NUAK1: variants seen among roughly 807,000 people sequenced by gnomAD.
NUAK1 encodes NUAK family SNF1-like kinase 1.
A neutral mutation model predicts 56.9 loss-of-function variants in NUAK1; 26 were observed. The ratio of observed to expected loss-of-function variants is 0.46; its 90% CI spans 0.33 to 0.63. NUAK1 has a LOEUF of 0.63. NUAK1 is among the 30% of genes least tolerant of loss of function. The pLI is 0.02. For synonymous variants in NUAK1, 337 were observed against 336.0 expected (o/e 1.00, Z -0.03); for missense variants, 727 against 876.1 (o/e 0.83, Z 2.15).
intron 4 of NUAK1, among the ~76,000 whole-genome samples, 179 bp downstream of exon 4, chr12:106,083,685 C>T (rs953603167): frequency 6.6e-6 from 1 of 152,144 alleles, no homozygotes; most frequent in Non-Finnish European, 1.5e-5. Context: ...TCAATAACTG[C>T]TTGTCGCATT....
rs2032360376 is a variant in NUAK1, at chr12:106,067,783, G to A, written c.1005C>T (p.His335=). 2 of 1,614,220 alleles carry A rather than the reference G, an allele frequency of 1.2e-6. No homozygotes were observed. The highest frequency in any genetic ancestry group is 1.7e-6 in the Non-Finnish European group (2 of 1,180,044). ...SPLLARIIDW[H]HRSTGLQADT... is the part of the protein sequence containing the mutation. ...CAGCCTGCAGCCCTGTGGAACGGTGGTGCCAGTCAATGATCCGAGCCAGGA... is the reference window on the plus strand; with the variant it reads ...CAGCCTGCAGCCCTGTGGAACGGTGATGCCAGTCAATGATCCGAGCCAGGA... Residue 335 remains histidine (H), a synonymous_variant, in exon 7 of 7, where the codon CAC becomes CAT. Coordinates refer to ENST00000261402, the MANE Select transcript of NUAK1 (RefSeq NM_014840.3). The surrounding 1 kb of genome is among the most constrained non-coding windows in gnomAD (Gnocchi z 6.0).
chr12:106,101,041 C>T (rs1347034771), intron 2 of NUAK1, among the ~76,000 whole-genome samples: 1 of 152,242 alleles, frequency 6.6e-6, no homozygotes, highest in Admixed American at 6.5e-5. Context: ...GACCAACCGG[C>T]TTCCAGAGAG....
Position 106,138,534 on chromosome 12 carries a change from G to C in NUAK1, c.120C>G (p.His40Gln). ...ATAALEPRKP[H>Q]GVKRHHHKHN... is the part of the protein sequence containing the mutation. ...GCTTGTGGTGATGCCGCTTCACCCC[G>C]TGCGGCTTCCTGGGCTCCAGGGCTG... Residue 40 changes from histidine to glutamine, a missense_variant, in exon 1 of 7, where the codon CAC becomes CAG. Coordinates refer to ENST00000261402, the MANE Select transcript of NUAK1 (RefSeq NM_014840.3). This position sits in a 1 kb window ranked among gnomAD's most constrained non-coding sequence, Gnocchi z 5.0. 2 of 1,612,448 alleles carry C rather than the reference G, an allele frequency of 1.2e-6. No homozygotes were observed.
At chr12:106,133,242 T>TCCTCTGAAAC (rs932250163) in intron 1 of NUAK1, among the ~76,000 whole-genome samples, 1 of 151,924 alleles carries the variant, frequency 6.6e-6, no homozygotes, top group African/African-American at 2.4e-5. Flanking sequence ...TGCCCCACAT[T>TCCTCTGAAAC]CCAATCCTCT....
intron 1 of NUAK1, among the ~76,000 whole-genome samples, chr12:106,119,480 C>G (rs2032952881): frequency 6.6e-6 from 1 of 151,872 alleles, no homozygotes; most frequent in African/African-American, 2.4e-5. Flanking sequence ...GGCGCCCCTG[C>G]AGATCGTCAC....
At chr12:106,116,582 TGCCCTAAG>T (rs2032918860) in intron 1 of NUAK1, among the ~76,000 whole-genome samples, 1 of 152,244 alleles carries the variant, frequency 6.6e-6, no homozygotes, top group Non-Finnish European at 1.5e-5. Flanking sequence ...TTAAGTAACG[TGCCCTAAG>T]GCACATAAAT....
chr12:106,066,520 C>T lies in NUAK1; in HGVS notation c.*282G>A, dbSNP rs976543776. 4.6e-5 allele frequency: 21 copies of T among 452,730 alleles called. No homozygotes were observed. The highest frequency in any genetic ancestry group is 4.4e-4 in the South Asian group (14 of 31,634). The allele number at this position is 452,730 out of a possible 1,614,324, so 28.0% of individuals were successfully genotyped here. On this transcript the variant is annotated 3_prime_UTR_variant, in exon 7 of 7. Coordinates refer to ENST00000261402, the MANE Select transcript of NUAK1 (RefSeq NM_014840.3). ...TGCTTCCTCTCCACCCACTGAGTGC[C>T]GGTCAATACCACCTCCCCTGGACAG...
At chr12:106,069,608 A>T (rs535252982) in intron 6 of NUAK1, among the ~76,000 whole-genome samples, 10 of 152,346 alleles carry the variant, frequency 6.6e-5, no homozygotes, top group Admixed American at 2.0e-4. Flanking sequence ...AGAGACACAC[A>T]TAAAACAAGG....
intron 6 of NUAK1, 80 bp from the exon 7 acceptor site, chr12:106,068,035 C>T (rs527294978): frequency 1.9e-4 from 262 of 1,354,106 alleles, no homozygotes; most frequent in African/African-American, 4.8e-4. Context: ...CCAGGAGTGA[C>T]GAAAGACACA....
intron 2 of NUAK1, among the ~76,000 whole-genome samples, chr12:106,102,991 G>A (rs1159231514): frequency 6.6e-6 from 1 of 152,194 alleles, no homozygotes; most frequent in Non-Finnish European, 1.5e-5. Flanking sequence ...TCTTTAAAGT[G>A]ACAAGCAAGA....
intron 2 of NUAK1, among the ~76,000 whole-genome samples, chr12:106,098,912 T>G (rs1384924314): frequency 1.3e-5 from 2 of 152,034 alleles, no homozygotes; most frequent in Non-Finnish European, 2.9e-5. Flanking sequence ...GGCACTTCCT[T>G]TTCAGCTTTT....
At chr12:106,102,743 T>A (rs1430652056) in intron 2 of NUAK1, among the ~76,000 whole-genome samples, 4 of 152,218 alleles carry the variant, frequency 2.6e-5, no homozygotes, top group Admixed American at 2.0e-4. Flanking sequence ...ATCCCCATTT[T>A]ACAGATGTGA....
At chr12:106,112,512 C>T (rs538265248) in intron 1 of NUAK1, among the ~76,000 whole-genome samples, 3 of 152,278 alleles carry the variant, frequency 2.0e-5, no homozygotes, top group East Asian at 1.9e-4. Flanking sequence ...ACAGTCACCA[C>T]GGTGATGCCA....
intron 2 of NUAK1, among the ~76,000 whole-genome samples, chr12:106,094,861 T>C: frequency 6.6e-6 from 1 of 152,050 alleles, no homozygotes; most frequent in South Asian, 2.1e-4. Context: ...TGGGGCCCAA[T>C]ATCCAATCCT....
intron 2 of NUAK1, among the ~76,000 whole-genome samples, chr12:106,100,218 T>C (rs1040459841): frequency 2.6e-5 from 4 of 151,726 alleles, no homozygotes; most frequent in Non-Finnish European, 5.9e-5. Flanking sequence ...TTCCTCCTTT[T>C]AGCAGTTTCC....
At chr12:106,119,908 G>C (rs2032956297) in intron 1 of NUAK1, among the ~76,000 whole-genome samples, 1 of 152,174 alleles carries the variant, frequency 6.6e-6, no homozygotes, top group South Asian at 2.1e-4. Flanking sequence ...ATCCCGATGA[G>C]AAAGATTTCC....
chr12:106,121,126 C>A (rs1480840434), intron 1 of NUAK1, among the ~76,000 whole-genome samples: 1 of 152,188 alleles, frequency 6.6e-6, no homozygotes. Context: ...CGGAAAGAAC[C>A]CACAGCGGGG....
chr12:106,134,043 A>G (rs555916917), intron 1 of NUAK1, among the ~76,000 whole-genome samples: 1 of 152,306 alleles, frequency 6.6e-6, no homozygotes, highest in African/African-American at 2.4e-5. Context: ...TTCTCTAGTA[A>G]AGATTTATTA....
intron 1 of NUAK1, among the ~76,000 whole-genome samples, chr12:106,121,369 C>G (rs150281540): frequency 2.6e-5 from 4 of 152,274 alleles, no homozygotes; most frequent in African/African-American, 9.6e-5. Flanking sequence ...TCATTTCACG[C>G]TTCTCTTTTC....
Sources: allele counts gnomAD v4.1 joint callset (sites outside exome capture counted in the v4.1 genomes callset), GRCh38; gene constraint gnomAD v4.1.1; non-coding constraint Gnocchi (gnomAD v3.1); transcripts MANE v1.5; gene names NCBI Gene and HGNC (gene_info 2026-07-23, HGNC 2026-07-21).